The following UACA variants were observed in gnomAD, a reference collection of about 807,000 sequenced individuals.
UACA encodes the protein nuclear membrane binding protein.
Under a neutral mutation model 160.5 loss-of-function variants are expected in UACA, and 112 were observed. The observed-to-expected ratio is 0.70, with a 90% confidence interval of 0.60 to 0.82. The LOEUF is 0.82. Ranked by LOEUF, UACA falls within the 40% of genes least tolerant of loss-of-function variation. The pLI, the probability that UACA is intolerant of heterozygous loss-of-function variation, is 0.00. For synonymous variants in UACA, 557 were observed against 568.4 expected (o/e 0.98, Z 0.29); for missense variants, 1,574 against 1,614.6 (o/e 0.97, Z 0.43).
chr15:70,693,538 G>A (rs1898014491), intron 3 of UACA, among the ~76,000 whole-genome samples: 1 of 151,652 alleles, frequency 6.6e-6, no homozygotes, highest in African/African-American at 2.4e-5. Context: ...ACAACTCTAG[G>A]GACAAACATT....
chr15:70,678,668 C>G (rs72755482), intron 10 of UACA, among the ~76,000 whole-genome samples: 1 of 152,142 alleles, frequency 6.6e-6, no homozygotes, highest in Non-Finnish European at 1.5e-5. Flanking sequence ...TAAGAAAACC[C>G]AAATAAAATG....
intron 1 of UACA, 144 bp downstream of exon 1, chr15:70,763,186 C>G (rs1481372435): frequency 1.5e-5 from 14 of 911,330 alleles, no homozygotes. Flanking sequence ...ACGGAGTCTC[C>G]GGCCTCAGGG....
chr15:70,709,905 A>G (rs1898631181), intron 1 of UACA, among the ~76,000 whole-genome samples: 1 of 152,342 alleles, frequency 6.6e-6, no homozygotes, highest in African/African-American at 2.4e-5. Flanking sequence ...AACTGCTTAA[A>G]GCCAAGAGGA....
intron 7 of UACA, among the ~76,000 whole-genome samples, chr15:70,685,077 T>C (rs1232556729): frequency 2.0e-5 from 3 of 152,078 alleles, no homozygotes; most frequent in African/African-American, 7.2e-5. Flanking sequence ...AGTATCAGAT[T>C]CCATTCCTGA....
intron 2 of UACA, among the ~76,000 whole-genome samples, chr15:70,695,856 T>C (rs1898108171): frequency 6.6e-6 from 1 of 151,992 alleles, no homozygotes; most frequent in Non-Finnish European, 1.5e-5. Context: ...TAATATTTTA[T>C]TAATCAACAA....
At position 70,667,980 on chromosome 15, in the gene UACA, CTTTTA is replaced by C; in HGVS notation, c.2699_2703del (p.Ile900ArgfsTer2). ...TTTCTTTTTAATATTTCATTCTTAT[CTTTTA>C]TTTTTACAAATTCCTGATTTATATC... On this transcript the variant is annotated frameshift_variant, in exon 16 of 19. Transcript: ENST00000322954. LOFTEE classifies it high-confidence loss of function. The C allele has an allele frequency of 6.2e-7, 1 of 1,600,116 alleles. No homozygotes were observed. Among genetic ancestry groups the C allele is most frequent in the Non-Finnish European group, 8.5e-7 (1 of 1,174,214 alleles).
intron 1 of UACA, among the ~76,000 whole-genome samples, chr15:70,726,707 C>T (rs185592502): frequency 1.3e-5 from 2 of 152,158 alleles, no homozygotes; most frequent in African/African-American, 4.8e-5. Flanking sequence ...TTTATATGTT[C>T]GGTACCTTCT....
intron 1 of UACA, among the ~76,000 whole-genome samples, chr15:70,714,869 G>C (rs1332251909): frequency 6.6e-6 from 1 of 152,140 alleles, no homozygotes; most frequent in Non-Finnish European, 1.5e-5. Context: ...ACAAGATGTG[G>C]CTTCTCCACG....
At chr15:70,674,286 T>C (rs906366779) in intron 13 of UACA, among the ~76,000 whole-genome samples, 5 of 152,132 alleles carry the variant, frequency 3.3e-5, no homozygotes, top group Non-Finnish European at 7.3e-5. Flanking sequence ...AATGAATACG[T>C]AGTGACTGAG....
chr15:70,778,165 C>T, the UACA span, among the ~76,000 whole-genome samples: 1 of 151,252 alleles, frequency 6.6e-6, no homozygotes, highest in South Asian at 2.1e-4. Context: ...CGTGCCATTG[C>T]ACTCCAACCT....
intron 1 of UACA, among the ~76,000 whole-genome samples, chr15:70,720,011 A>T (rs371476504): frequency 6.6e-6 from 1 of 152,024 alleles, no homozygotes; most frequent in East Asian, 1.9e-4. Flanking sequence ...GTAATCCCCA[A>T]TGTTGGAGGT....
At chr15:70,709,059 C>A (rs1447346472) in intron 1 of UACA, among the ~76,000 whole-genome samples, 1 of 152,152 alleles carries the variant, frequency 6.6e-6, no homozygotes, top group Non-Finnish European at 1.5e-5. Flanking sequence ...CCACTCTAAT[C>A]CTTTAACAAA....
Position 70,693,705 on chromosome 15 carries a change from T to A in UACA, c.301+1312A>T, listed in dbSNP as rs576833787. The stretch of plus-strand genomic sequence containing the variant: ...AAGAAAGAAGGCAAGCAGAAGTCAC[T>A]AGATTAGCCACTAGGCAAAATGTCC... On this transcript the variant is annotated intron_variant, in intron 3 of 18. Coordinates refer to ENST00000322954, the MANE Select transcript of UACA (RefSeq NM_018003.4). 1.8e-4 allele frequency among the ~76,000 whole-genome samples: 27 copies of A among 151,990 alleles called. No individual in the cohort carries two copies. In the South Asian group the frequency reaches 5.2e-3, roughly 29 times the overall value.
intron 1 of UACA, among the ~76,000 whole-genome samples, chr15:70,707,969 T>C (rs1244554556): frequency 6.6e-6 from 1 of 152,220 alleles, no homozygotes; most frequent in Non-Finnish European, 1.5e-5. Context: ...GATATCTGCA[T>C]ATCCATATTC....
chr15:70,679,830 C>T (rs1772651949), intron 9 of UACA, 154 bp from the exon 10 acceptor site: 1 of 428,978 alleles, frequency 2.3e-6, no homozygotes, highest in Non-Finnish European at 4.1e-6. Flanking sequence ...TTTAAAACTC[C>T]AAAATGGAAA....
chr15:70,659,658 G>A (rs1566958541), intron 18 of UACA, among the ~76,000 whole-genome samples: 2 of 151,960 alleles, frequency 1.3e-5, no homozygotes, highest in Admixed American at 6.6e-5. Flanking sequence ...CCCTAAAAAA[G>A]GGAATTCATA....
chr15:70,725,761 A>C lies in UACA; in HGVS notation c.79-26101T>G, dbSNP rs1899125674. 2.6e-5 allele frequency among the ~76,000 whole-genome samples: 4 copies of C among 152,120 alleles called. No homozygotes were observed. In the South Asian group the frequency reaches 8.3e-4, roughly 32 times the overall value. ...GAGTGAAAGCAGAGGTATATTAAGA[A>C]GGAAGGTTTTCAAGAATTCTGGCAC... On this transcript the variant is annotated intron_variant, in intron 1 of 18. Transcript: ENST00000322954.
intron 1 of UACA, among the ~76,000 whole-genome samples, chr15:70,753,760 T>C (rs1211686376): frequency 6.6e-6 from 1 of 152,260 alleles, no homozygotes; most frequent in Non-Finnish European, 1.5e-5. Flanking sequence ...TGAGTACTTC[T>C]AATTGGGACA....
At chr15:70,699,169 A>G (rs756233881) in intron 2 of UACA, among the ~76,000 whole-genome samples, 1 of 152,162 alleles carries the variant, frequency 6.6e-6, no homozygotes, top group Non-Finnish European at 1.5e-5. Flanking sequence ...AAATGAGACC[A>G]AAGTATTTAA....
Sources: allele counts gnomAD v4.1 joint callset (sites outside exome capture counted in the v4.1 genomes callset), GRCh38; gene constraint gnomAD v4.1.1; transcripts MANE v1.5; gene names NCBI Gene and HGNC (gene_info 2026-07-23, HGNC 2026-07-21).